The following CFAP69 variants were observed in gnomAD, a reference collection of about 807,000 sequenced individuals.
The protein encoded by CFAP69 is cilia- and flagella-associated protein 69.
CFAP69 carries 92 observed loss-of-function variants against 123.0 expected under a neutral mutation model. That is an observed-to-expected ratio of 0.75 (90% confidence interval 0.63 to 0.89). The LOEUF is 0.89. Ranked by LOEUF, CFAP69 falls within the 40% of genes least tolerant of loss-of-function variation. CFAP69 has a pLI of 0.00. For missense variants in CFAP69, 1,067 were observed against 1,096.9 expected, an observed-to-expected ratio of 0.97 and a Z score of 0.39; for synonymous variants, 380 against 364.3, an observed-to-expected ratio of 1.04 and a Z score of -0.49.
the CFAP69 span, chr7:90,317,009 T>G: frequency 1.3e-5 from 2 of 152,130 alleles, no homozygotes; most frequent in African/African-American, 4.8e-5. Context: ...CTGTTTTTTT[T>G]GAGGAAAACT....
chr7:90,315,452 A>AGG, downstream of CFAP69, among the ~76,000 whole-genome samples: 1 of 152,214 alleles, frequency 6.6e-6, no homozygotes, highest in Non-Finnish European at 1.5e-5. Flanking sequence ...GTCTTTTGCA[A>AGG]GAACATGGAT....
chr7:90,300,159 C>G, intron 17 of CFAP69, 100 bp downstream of exon 17: 1 of 1,002,522 alleles, frequency 1.0e-6, no homozygotes, highest in Non-Finnish European at 1.2e-6. Flanking sequence ...ACCCCTTTGT[C>G]TAAAGTTTTT....
At chr7:90,304,717 A>G in intron 18 of CFAP69, 27 bp from the exon 19 acceptor site, 2 of 1,592,912 alleles carry the variant, frequency 1.3e-6, no homozygotes, top group South Asian at 2.3e-5. Flanking sequence ...TGCTAAAGTA[A>G]TTCTGTCTTT....
At chr7:90,276,328 C>T (rs1788602473) in intron 9 of CFAP69, among the ~76,000 whole-genome samples, 1 of 152,150 alleles carries the variant, frequency 6.6e-6, no homozygotes. Context: ...TCTAGAATCC[C>T]CTGGTCAGGT....
In CFAP69 at chr7:90,309,297, C is replaced by T; in HGVS notation, c.2585C>T (p.Ala862Val). ...AGCCTTCAAGAAAAAGCTATAGAAG[C>T]CTCCAGATACCATAAACGACCACAA... ...AKSLQEKAIEASRYHKRPQNA... is the reference protein window; with the variant it reads ...AKSLQEKAIEVSRYHKRPQNA... Residue 862 changes from alanine to valine, a missense_variant, in exon 22 of 23, where the codon GCC becomes GTC. By Grantham distance (64) the Ala-to-Val change is moderately conservative (BLOSUM62 0). Transcript: ENST00000389297. The T allele has an allele frequency of 6.3e-7, 1 of 1,579,832 alleles. No homozygotes were observed.
chr7:90,281,634 G>GA (rs1789507422), intron 12 of CFAP69, among the ~76,000 whole-genome samples: 2 of 152,246 alleles, frequency 1.3e-5, no homozygotes, highest in Admixed American at 1.3e-4. Flanking sequence ...ATGTAAATAT[G>GA]AAAAGTCATA....
chr7:90,310,125 C>A lies in CFAP69; in HGVS notation c.2713C>A (p.Pro905Thr), dbSNP rs868125980. The A allele has an allele frequency of 6.2e-7, 1 of 1,613,866 alleles. No individual in the cohort carries two copies. Among genetic ancestry groups the A allele is most frequent in the East Asian group, 2.2e-5 (1 of 44,870 alleles). ...CACTCCTGCCCGATTAGTAGGAGGA[C>A]CTCTGGTTGATACGGATATTGCTCT... ...ESTPARLVGG[P>T]LVDTDIALKK... Residue 905 changes from proline (P) to threonine (T), a missense_variant, in exon 23 of 23, where the codon CCT becomes ACT. Coordinates refer to ENST00000389297, the MANE Select transcript of CFAP69 (RefSeq NM_001039706.3).
intron 8 of CFAP69, among the ~76,000 whole-genome samples, chr7:90,272,892 G>A (rs1190677918): frequency 6.6e-6 from 1 of 152,124 alleles, no homozygotes; most frequent in Non-Finnish European, 1.5e-5. Context: ...TCAAATGCCT[G>A]TTCCACAGTG....
chr7:90,304,143 T>G (rs1460133805), intron 18 of CFAP69, 37 bp downstream of exon 18: 5 of 1,537,198 alleles, frequency 3.3e-6, no homozygotes, highest in Non-Finnish European at 4.4e-6. Flanking sequence ...GAGTCTGTTT[T>G]GCTAAGTATA....
In CFAP69 at chr7:90,265,355, T is replaced by C; in HGVS notation, c.411T>C (p.Thr137=). Residue 137 remains threonine, a synonymous_variant, in exon 5 of 23, where the codon ACT becomes ACC. Coordinates refer to ENST00000389297, the MANE Select transcript of CFAP69 (RefSeq NM_001039706.3). ...ATGAAATAACTTATGCTGAAGATACTGCTAATTCAATTGCACTTCTGGGTA... is the reference window on the plus strand; with the variant it reads ...ATGAAATAACTTATGCTGAAGATACCGCTAATTCAATTGCACTTCTGGGTA... ...VSDEITYAED[T]ANSIALLGDL... 1.2e-6 allele frequency: 2 copies of C among 1,611,286 alleles called. No individual in the cohort carries two copies. Among genetic ancestry groups the C allele is most frequent in the Non-Finnish European group, 1.7e-6 (2 of 1,178,044 alleles).
At chr7:90,294,585 G>T (rs1200081055) in intron 15 of CFAP69, among the ~76,000 whole-genome samples, 1 of 152,142 alleles carries the variant, frequency 6.6e-6, no homozygotes, top group African/African-American at 2.4e-5. Flanking sequence ...AGGTTACAAG[G>T]TCAAGCTCCC....
chr7:90,307,113 T>C lies in CFAP69; in HGVS notation c.2463+15T>C. The C allele has an allele frequency of 6.3e-7, 1 of 1,598,398 alleles. No individual in the cohort carries two copies. The highest frequency in any genetic ancestry group is 8.5e-7 in the Non-Finnish European group (1 of 1,171,282). On this transcript the variant is annotated intron_variant, in intron 20 of 22. Coordinates refer to ENST00000389297, the MANE Select transcript of CFAP69 (RefSeq NM_001039706.3). ...TATATGCAAAAGTAAGCTACATAGG[T>C]AGTGAGGAGGGAGAATGAAGATAGG...
chr7:90,278,404 TTTATAA>T (rs1213117386), intron 11 of CFAP69, among the ~76,000 whole-genome samples: 2 of 152,126 alleles, frequency 1.3e-5, no homozygotes, highest in Non-Finnish European at 2.9e-5. Context: ...AAAAGTTGTC[TTTATAA>T]TTATAACTTT....
chr7:90,299,406 G>A (rs567011420), intron 16 of CFAP69, among the ~76,000 whole-genome samples: 7 of 152,162 alleles, frequency 4.6e-5, no homozygotes, highest in African/African-American at 1.7e-4. Flanking sequence ...ATTTTCATAT[G>A]TGATTGTCAT....
At chr7:90,287,665 C>T in intron 14 of CFAP69, 1 of 985,426 alleles carries the variant, frequency 1.0e-6, no homozygotes, top group Non-Finnish European at 1.2e-6. Flanking sequence ...TCATATTCTA[C>T]CACCCTGTGC....
chr7:90,320,823 G>C, the CFAP69 span: 1 of 151,740 alleles, frequency 6.6e-6, no homozygotes, highest in African/African-American at 2.4e-5. Context: ...TGAGCTGAAA[G>C]CTGGCAGTTT....
At chr7:90,255,233 A>G (rs1193712384) in intron 1 of CFAP69, among the ~76,000 whole-genome samples, 190 bp from the exon 2 acceptor site, 1 of 152,220 alleles carries the variant, frequency 6.6e-6, no homozygotes. Flanking sequence ...AGAATTCAGG[A>G]GGGGTTTTTT....
intron 3 of CFAP69, among the ~76,000 whole-genome samples, chr7:90,261,211 C>T (rs188712938): frequency 6.6e-6 from 1 of 152,016 alleles, no homozygotes; most frequent in Non-Finnish European, 1.5e-5. Flanking sequence ...TCCTGAATAG[C>T]TGGGATTACA....
At chr7:90,253,330 C>G (rs562741235) in intron 1 of CFAP69, among the ~76,000 whole-genome samples, 1 of 152,138 alleles carries the variant, frequency 6.6e-6, no homozygotes, top group East Asian at 1.9e-4. Flanking sequence ...TACCTCTGAT[C>G]GGATTATTTC....
Sources: gnomAD v4.1 joint callset for allele counts (sites outside exome capture counted in the v4.1 genomes callset) on GRCh38, gnomAD v4.1.1 for gene constraint, MANE v1.5 for transcripts, NCBI Gene and HGNC (gene_info 2026-07-23, HGNC 2026-07-21) for gene names.